CHST1: variants seen among roughly 807,000 people sequenced by gnomAD.
CHST1 encodes the protein Keratan sulfotransferase.
CHST1 carries 10 observed loss-of-function variants against 22.5 expected under a neutral mutation model. That is an observed-to-expected ratio of 0.44 (90% CI 0.27 to 0.75). The LOEUF (loss-of-function observed/expected upper bound fraction) is 0.75. CHST1 is among the 30% of genes least tolerant of loss of function. The pLI is 0.15. For synonymous variants in CHST1, 267 were observed against 264.5 expected (o/e 1.01, Z -0.09); for missense variants, 439 against 576.1 (o/e 0.76, Z 2.44).
At chr11:45,663,237 G>A (rs1468395785) in intron 1 of CHST1, among the ~76,000 whole-genome samples, 1 of 152,180 alleles carries the variant, frequency 6.6e-6, no homozygotes, top group Non-Finnish European at 1.5e-5. Flanking sequence ...TGGCACTTGA[G>A]CCCCTCCTGC....
chr11:45,659,184 C>T (rs935531120), intron 1 of CHST1, among the ~76,000 whole-genome samples: 1 of 152,174 alleles, frequency 6.6e-6, no homozygotes, highest in Admixed American at 6.5e-5. Context: ...CTTTCACAGA[C>T]GAGGAGCAGC....
At chr11:45,662,441 A>G (rs1200009221) in intron 1 of CHST1, among the ~76,000 whole-genome samples, 4 of 152,206 alleles carry the variant, frequency 2.6e-5, no homozygotes, top group Non-Finnish European at 4.4e-5. Context: ...GCTCCGTAGA[A>G]AAAAATGGCT....
At chr11:45,660,198 T>C (rs1852113145) in intron 1 of CHST1, among the ~76,000 whole-genome samples, 1 of 152,142 alleles carries the variant, frequency 6.6e-6, no homozygotes, top group Admixed American at 6.5e-5. Context: ...TACAGCTGAA[T>C]CAATTTCACA....
rs1365660402 is a variant in CHST1, at chr11:45,650,918, T to C, written c.6A>G (p.Gln2=). 6.5e-7 allele frequency: 1 copy of C among 1,530,714 alleles called. No homozygotes were observed. The highest frequency in any genetic ancestry group is 8.8e-7 in the Non-Finnish European group (1 of 1,138,936). The allele number at this position is 1,530,714 out of a possible 1,614,324, so 94.8% of individuals were successfully genotyped here. The stretch of plus-strand genomic sequence containing the variant: ...GGAGGAGGACGGCCTTCCAGGAACA[T>C]TGCATGGCTGGGCACCTTCATGGGG... M[Q]CSWKAVLLLA... Residue 2 remains glutamine (Q), a synonymous_variant, in exon 4 of 4, where the codon CAA becomes CAG. Transcript: ENST00000308064.
chr11:45,657,993 C>A (rs982402913), intron 1 of CHST1, among the ~76,000 whole-genome samples: 6 of 152,204 alleles, frequency 3.9e-5, no homozygotes, highest in African/African-American at 1.4e-4. Context: ...AGCAGGGCTG[C>A]CCAGCTGCCT....
intron 1 of CHST1, among the ~76,000 whole-genome samples, chr11:45,664,286 T>C (rs900733691): frequency 3.9e-5 from 6 of 152,192 alleles, no homozygotes; most frequent in Non-Finnish European, 8.8e-5. Flanking sequence ...CAAGCCCGTC[T>C]TCAGGCACCT....
rs1446497532 is a variant in CHST1, at chr11:45,649,402, T to C, written c.*286A>G. 4.7e-6 allele frequency: 2 copies of C among 429,316 alleles called. No individual in the cohort carries two copies. Among genetic ancestry groups the C allele is most frequent in the African/African-American group, 2.3e-5 (1 of 43,836 alleles). The allele number at this position is 429,316 out of a possible 1,614,324, so 26.6% of individuals were successfully genotyped here. A position where few individuals can be genotyped will look rare whatever the true frequency, so the allele number is the denominator to read the frequency against. On this transcript the variant is annotated 3_prime_UTR_variant, in exon 4 of 4. Coordinates refer to ENST00000308064, the MANE Select transcript of CHST1 (RefSeq NM_003654.6). ...TGTGGATGTGTAAATGTGGTGCTTG[T>C]AAACATTGTCACCGTCCGCACAGAG...
At chr11:45,656,885 A>G (rs1444730217) in intron 1 of CHST1, among the ~76,000 whole-genome samples, 2 of 152,164 alleles carry the variant, frequency 1.3e-5, no homozygotes, top group Non-Finnish European at 2.9e-5. Context: ...GAGCTGAAAT[A>G]AAGCTGGATT....
intron 1 of CHST1, among the ~76,000 whole-genome samples, chr11:45,658,859 C>T (rs983115721): frequency 2.0e-5 from 3 of 152,094 alleles, no homozygotes; most frequent in African/African-American, 4.8e-5. Context: ...CCCTGGACAC[C>T]GGGGCTCCGG....
At chr11:45,656,090 G>C (rs1176885697) in intron 1 of CHST1, among the ~76,000 whole-genome samples, 5 of 152,358 alleles carry the variant, frequency 3.3e-5, no homozygotes, top group African/African-American at 1.2e-4. Flanking sequence ...CCCACCTCTT[G>C]CTGTACAGAA....
At position 45,650,387 on chromosome 11, in the gene CHST1, C is replaced by A; in HGVS notation, c.537G>T (p.Gly179=). The A allele has an allele frequency of 6.2e-7, 1 of 1,604,536 alleles. No individual in the cohort carries two copies. Among genetic ancestry groups the A allele is most frequent in the Non-Finnish European group, 8.5e-7 (1 of 1,179,734 alleles). Residue 179 remains glycine, a synonymous_variant, in exon 4 of 4, where the codon GGG becomes GGT. Transcript: ENST00000308064. ...PGPADLVLEE[G]DCVRKCGLLN... is the part of the protein sequence containing the mutation. ...GTAGCCCGCACTTGCGCACACAGTC[C>A]CCCTCCTCCAGGACCAGGTCGGCTG... is the stretch of plus-strand genomic sequence containing the variant.
intron 3 of CHST1, chr11:45,651,515 T>G (rs1590688421): frequency 6.6e-6 from 1 of 152,550 alleles, no homozygotes; most frequent in Admixed American, 6.5e-5. Flanking sequence ...CCAGGCAAGG[T>G]GGACAACTGT....
intron 1 of CHST1, among the ~76,000 whole-genome samples, chr11:45,657,607 G>A (rs1030897755): frequency 1.4e-4 from 22 of 152,278 alleles, no homozygotes; most frequent in East Asian, 1.2e-3. Context: ...ATCCAAAGAC[G>A]AGTTTCATGG....
At chr11:45,663,376 CA>C (rs764412426) in intron 1 of CHST1, among the ~76,000 whole-genome samples, 3 of 152,036 alleles carry the variant, frequency 2.0e-5, no homozygotes, top group Non-Finnish European at 2.9e-5. Flanking sequence ...GGAGAGTGGT[CA>C]GGGGGATACA....
intron 1 of CHST1, among the ~76,000 whole-genome samples, chr11:45,656,474 TA>T (rs1014299819): frequency 2.0e-5 from 3 of 152,190 alleles, no homozygotes; most frequent in African/African-American, 7.2e-5. Context: ...TGTATATTTG[TA>T]TATATGCATA....
At position 45,650,981 on chromosome 11, in the gene CHST1, G is replaced by A; in HGVS notation, c.-42-16C>T. The A allele has an allele frequency of 6.7e-7, 1 of 1,500,354 alleles. No individual in the cohort carries two copies. The highest frequency in any genetic ancestry group is 8.9e-7 in the Non-Finnish European group (1 of 1,126,018). 92.9% of individuals were successfully genotyped at this position (1,500,354 alleles called of 1,614,324 possible). ...GGGGTGAGGTCTGTGGGCAAAGGCG[G>A]CCAGCGGTCAGGTGCCTCCACGGCG... On this transcript the variant is annotated splice_polypyrimidine_tract_variant and intron_variant, in intron 3 of 3. Transcript: ENST00000308064.
chr11:45,650,443 A>C lies in CHST1; in HGVS notation c.481T>G (p.Cys161Gly), dbSNP rs1259776050. 1 of 1,611,122 alleles carries C rather than the reference A, an allele frequency of 6.2e-7. No individual in the cohort carries two copies. The highest frequency in any genetic ancestry group is 2.2e-5 in the East Asian group (1 of 44,850). Residue 161 changes from cysteine to glycine, a missense_variant, in exon 4 of 4, where the codon TGC becomes GGC. Cys to Gly is a radical substitution (Grantham distance 159). Coordinates refer to ENST00000308064, the MANE Select transcript of CHST1 (RefSeq NM_003654.6). ...IFRRGASRVL[C>G]SRPVCDPPGP... ...GGAGGGTCGCACACAGGCCGGGAGC[A>C]GAGGACCCGGCTGGCCCCGCGGCGG...
intron 1 of CHST1, among the ~76,000 whole-genome samples, chr11:45,653,990 C>T (rs970062411): frequency 9.2e-5 from 14 of 152,306 alleles, no homozygotes; most frequent in East Asian, 1.9e-4. Context: ...GCCCAGGCAA[C>T]GTGCTAGGAA....
chr11:45,648,400 G>A lies in CHST1; in HGVS notation c.*1288C>T, dbSNP rs1398887721. 4.0e-5 allele frequency among the ~76,000 whole-genome samples: 6 copies of A among 151,820 alleles called. No homozygotes were observed. Among genetic ancestry groups the A allele is most frequent in the Non-Finnish European group, 8.8e-5 (6 of 67,938 alleles). On this transcript the variant is annotated 3_prime_UTR_variant, in exon 4 of 4. Coordinates refer to ENST00000308064, the MANE Select transcript of CHST1 (RefSeq NM_003654.6). The stretch of plus-strand genomic sequence containing the variant: ...CAACTGACTGAAGGAAAAAAAAAAC[G>A]GCTGGGTGAGGTGGCTCAAGTCTGC...
Sources: allele counts gnomAD v4.1 joint callset (sites outside exome capture counted in the v4.1 genomes callset), GRCh38; gene constraint gnomAD v4.1.1; transcripts MANE v1.5; gene names NCBI Gene and HGNC (gene_info 2026-07-23, HGNC 2026-07-21).